The following NUP54 variants were observed in gnomAD, a reference collection of about 807,000 sequenced individuals.
NUP54 encodes the protein nucleoporin p54.
NUP54 carries 27 observed loss-of-function variants against 66.4 expected under a neutral mutation model. The observed-to-expected ratio is 0.41, with a 90% CI of 0.30 to 0.56. The LOEUF (loss-of-function observed/expected upper bound fraction) is 0.56. Among genes scored for constraint, NUP54 ranks in the 20% least tolerant of loss-of-function variants. The pLI, the probability that NUP54 is intolerant of heterozygous loss-of-function variation, is 0.34. For missense variants in NUP54, 486 were observed against 596.3 expected, an observed-to-expected ratio of 0.82 and a Z score of 1.93; for synonymous variants, 206 against 210.7, an observed-to-expected ratio of 0.98 and a Z score of 0.19.
intron 9 of NUP54, chr4:76,118,450 A>G (rs1331294129): frequency 5.3e-6 from 2 of 376,610 alleles, no homozygotes; most frequent in Non-Finnish European, 9.9e-6. Flanking sequence ...CAGTGGCGTA[A>G]ACACAGCTCA....
Position 76,141,110 on chromosome 4 carries a change from T to C in NUP54, c.295+3039A>G, listed in dbSNP as rs149536723. Among the ~76,000 whole-genome samples, 170 of 152,200 alleles carry C rather than the reference T, an allele frequency of 1.1e-3. No individual in the cohort carries two copies. In the Middle Eastern group the frequency reaches 0.014, roughly 12 times the overall value. On this transcript the variant is annotated intron_variant, in intron 3 of 11. Coordinates refer to ENST00000264883, the MANE Select transcript of NUP54 (RefSeq NM_017426.4). The stretch of plus-strand genomic sequence containing the variant: ...GATTCACAGGTATTGCCAACTGAGA[T>C]AGGAATAGCTGTGATTAGTAAAAGG...
chr4:76,134,371 T>G lies in NUP54; in HGVS notation c.523-9A>C, dbSNP rs753779900. On this transcript the variant is annotated splice_polypyrimidine_tract_variant and intron_variant, in intron 4 of 11. Transcript: ENST00000264883. ...CAACTATAACCTACTGCCTGTGGAA[T>G]GACAAAATAAACAATATAAAAAATA... 1.2e-6 allele frequency: 2 copies of G among 1,603,088 alleles called. No homozygotes were observed. Among genetic ancestry groups the G allele is most frequent in the Non-Finnish European group, 1.7e-6 (2 of 1,173,794 alleles).
At chr4:76,148,162 T>G in intron 1 of NUP54, 146 bp downstream of exon 1, 1 of 631,560 alleles carries the variant, frequency 1.6e-6, no homozygotes, top group Non-Finnish European at 2.4e-6. Flanking sequence ...CGGCCCACTC[T>G]GCCGCCGCCC....
chr4:76,146,191 C>T, intron 1 of NUP54: 2 of 398,672 alleles, frequency 5.0e-6, no homozygotes, highest in Non-Finnish European at 4.9e-6. Context: ...TGAAGGTTAA[C>T]ACATATAAAA....
At chr4:76,121,510 G>C (rs1730234484) in intron 9 of NUP54, among the ~76,000 whole-genome samples, 1 of 152,158 alleles carries the variant, frequency 6.6e-6, no homozygotes, top group Non-Finnish European at 1.5e-5. Context: ...ACAGAGTGCA[G>C]TGGCTATTCA....
At chr4:76,117,064 G>T (rs1729981618) in intron 11 of NUP54, among the ~76,000 whole-genome samples, 1 of 152,062 alleles carries the variant, frequency 6.6e-6, no homozygotes, top group Non-Finnish European at 1.5e-5. Flanking sequence ...TTGAAATTCT[G>T]TACCAGTTAA....
chr4:76,147,897 AT>A, intron 1 of NUP54: 1 of 304,538 alleles, frequency 3.3e-6, no homozygotes, highest in South Asian at 3.6e-5. Context: ...GTGCCGGTGG[AT>A]CCCCAGCCCT....
intron 3 of NUP54, among the ~76,000 whole-genome samples, chr4:76,139,885 C>T (rs1560690424): frequency 6.6e-6 from 1 of 152,038 alleles, no homozygotes; most frequent in Non-Finnish European, 1.5e-5. Flanking sequence ...TAGCATTTTT[C>T]ATAAAGAACA....
At chr4:76,116,686 T>C (rs573079099) in intron 11 of NUP54, among the ~76,000 whole-genome samples, 1 of 152,322 alleles carries the variant, frequency 6.6e-6, no homozygotes, top group South Asian at 2.1e-4. Context: ...GAAGGTATTA[T>C]CTAGAGCAGT....
At chr4:76,118,450 A>C in intron 9 of NUP54, 2 of 376,620 alleles carry the variant, frequency 5.3e-6, no homozygotes, top group South Asian at 2.5e-5. Flanking sequence ...CAGTGGCGTA[A>C]ACACAGCTCA....
At chr4:76,132,403 A>T in intron 6 of NUP54, 120 bp downstream of exon 6, 1 of 638,064 alleles carries the variant, frequency 1.6e-6, no homozygotes, top group Non-Finnish European at 2.5e-6. Context: ...ATAAGTAGAT[A>T]TATGACAAGA....
chr4:76,128,883 T>C (rs542829244), intron 8 of NUP54, among the ~76,000 whole-genome samples: 19 of 152,176 alleles, frequency 1.2e-4, no homozygotes, highest in African/African-American at 3.9e-4. Context: ...CTAAAAAAAG[T>C]TGATTTAGTA....
In NUP54 at chr4:76,128,396, G is replaced by GAAA. The variant is rs5859495; in HGVS notation, c.1056+2257_1056+2259dup. On this transcript the variant is annotated intron_variant, in intron 8 of 11. Coordinates refer to ENST00000264883, the MANE Select transcript of NUP54 (RefSeq NM_017426.4). ...AAATAATAGATTAAAAGGAAATGCT[G>GAAA]AAAAAAAAAAAAAAGTCCAAATAAC... 4.0e-3 allele frequency among the ~76,000 whole-genome samples: 478 copies of GAAA among 120,692 alleles called. 4 individuals carry two copies. The highest frequency in any genetic ancestry group is 0.011 in the African/African-American group (374 of 33,430). The allele number at this position is 120,692 out of a possible 152,430, so 79.2% of individuals were successfully genotyped here.
intron 8 of NUP54, among the ~76,000 whole-genome samples, chr4:76,125,633 GGAGAGGGGGAGAGGGGGAGAGGGA>G (rs1229730330): frequency 1.0e-4 from 4 of 39,466 alleles, no homozygotes; most frequent in Non-Finnish European, 1.4e-4. Flanking sequence ...AGGGAGAGGG[GGAGAGGGGGAGAGGGGGAGAGGGA>G]GAGAGGGGGA....
chr4:76,130,186 C>T (rs567917300), intron 8 of NUP54, among the ~76,000 whole-genome samples: 66 of 151,614 alleles, frequency 4.4e-4, no homozygotes, highest in African/African-American at 1.5e-3. Flanking sequence ...TTTGCCAAGT[C>T]GGCCAGGCTT....
At chr4:76,121,426 T>C (rs528193264) in intron 9 of NUP54, among the ~76,000 whole-genome samples, 4 of 152,322 alleles carry the variant, frequency 2.6e-5, no homozygotes, top group South Asian at 2.1e-4. Flanking sequence ...CAAACACTTA[T>C]CCTTCTTTAT....
chr4:76,130,589 A>C, intron 8 of NUP54, 67 bp downstream of exon 8: 2 of 1,058,122 alleles, frequency 1.9e-6, no homozygotes. Context: ...ATATACTAAA[A>C]AGAATTAAAT....
intron 3 of NUP54, among the ~76,000 whole-genome samples, chr4:76,140,219 G>GA (rs560460853): frequency 2.4e-4 from 36 of 147,848 alleles, no homozygotes; most frequent in Non-Finnish European, 3.9e-4. Flanking sequence ...GATAGAGGGA[G>GA]AAAAAAAATA....
chr4:76,125,746 AGAGG>A (rs1560679226), intron 8 of NUP54, among the ~76,000 whole-genome samples: 1 of 7,046 alleles, frequency 1.4e-4, no homozygotes, highest in Non-Finnish European at 2.1e-4. Flanking sequence ...GAAGAGGGAG[AGAGG>A]GGGAGAGGGG....
Sources: allele counts gnomAD v4.1 joint callset (sites outside exome capture counted in the v4.1 genomes callset), GRCh38; gene constraint gnomAD v4.1.1; transcripts MANE v1.5; gene names NCBI Gene and HGNC (gene_info 2026-07-23, HGNC 2026-07-21).